Variants in SGCZ observed in about 807,000 individuals in gnomAD.
SGCZ encodes the protein sarcoglycan zeta.
A neutral mutation model predicts 41.3 loss-of-function variants in SGCZ; 40 were observed. That is an observed-to-expected ratio of 0.97 (90% confidence interval 0.75 to 1.26). SGCZ has a LOEUF of 1.26. Among genes scored for constraint, SGCZ ranks in the 50% most tolerant of loss-of-function variants. The probability of loss-of-function intolerance (pLI) is 0.00; values close to 1 mark genes in which losing one functional copy is unlikely to be tolerated. For missense variants in SGCZ, 552 were observed against 369.8 expected, an observed-to-expected ratio of 1.49 and a Z score of -4.04; for synonymous variants, 206 against 137.5, an observed-to-expected ratio of 1.50 and a Z score of -3.49.
chr8:14,784,501 T>G (rs958530752), intron 1 of SGCZ, among the ~76,000 whole-genome samples: 1 of 152,108 alleles, frequency 6.6e-6, no homozygotes, highest in South Asian at 2.1e-4. Context: ...CTATAACTCA[T>G]AATGGTCTCT....
chr8:15,011,012 C>A (rs117107940), intron 1 of SGCZ, among the ~76,000 whole-genome samples: 1 of 152,226 alleles, frequency 6.6e-6, no homozygotes, highest in Admixed American at 6.5e-5. Flanking sequence ...ATTAATGAAG[C>A]TGAAAATAAT....
At chr8:14,953,098 C>T (rs567720749) in intron 1 of SGCZ, among the ~76,000 whole-genome samples, 3 of 152,134 alleles carry the variant, frequency 2.0e-5, no homozygotes, top group South Asian at 2.1e-4. Context: ...CACCTCTATG[C>T]GTCCGTTCTC....
chr8:14,846,893 A>G (rs1371294134), intron 1 of SGCZ, among the ~76,000 whole-genome samples: 1 of 151,794 alleles, frequency 6.6e-6, no homozygotes, highest in Non-Finnish European at 1.5e-5. Context: ...AACTCGGTGA[A>G]ACGACATCTC....
intron 2 of SGCZ, among the ~76,000 whole-genome samples, chr8:14,537,063 C>A (rs545037463): frequency 6.6e-6 from 1 of 151,926 alleles, no homozygotes; most frequent in African/African-American, 2.4e-5. Flanking sequence ...CTGCTGCTGA[C>A]ACAGCCCCAT....
At chr8:14,327,073 G>C (rs1256592058) in intron 2 of SGCZ, among the ~76,000 whole-genome samples, 1 of 152,176 alleles carries the variant, frequency 6.6e-6, no homozygotes, top group Non-Finnish European at 1.5e-5. Flanking sequence ...GTGGGGTTGG[G>C]TTACCAAAAT....
At chr8:14,237,440 C>T in intron 4 of SGCZ, 152 bp downstream of exon 4, 2 of 686,766 alleles carry the variant, frequency 2.9e-6, no homozygotes, top group South Asian at 3.9e-5. Context: ...CCTCAGCCTC[C>T]CAAAGTGCAC....
Position 15,135,225 on chromosome 8 carries a change from C to A in SGCZ, c.39+102360G>T, listed in dbSNP as rs752897834. Among the ~76,000 whole-genome samples, 77 of 152,100 alleles carry A rather than the reference C, an allele frequency of 5.1e-4. 1 individual carries two copies. The Middle Eastern group carries it at 0.027, about 54-fold the overall frequency. Reference sequence around the variant, plus strand: ...GCTATTAAGTAGATCAATGTATTCCCCTAAAGGCAAATACTCTATTTCTAA... The same window carrying A: ...GCTATTAAGTAGATCAATGTATTCCACTAAAGGCAAATACTCTATTTCTAA... On this transcript the variant is annotated intron_variant, in intron 1 of 7. Coordinates refer to ENST00000382080, the MANE Select transcript of SGCZ (RefSeq NM_139167.4).
intron 1 of SGCZ, among the ~76,000 whole-genome samples, chr8:14,897,152 A>T (rs1805231732): frequency 6.6e-6 from 1 of 152,142 alleles, no homozygotes; most frequent in South Asian, 2.1e-4. Context: ...TATTAGCTTG[A>T]TAGTGTTATT....
chr8:14,591,994 C>G (rs1805256607), intron 1 of SGCZ, among the ~76,000 whole-genome samples: 1 of 152,052 alleles, frequency 6.6e-6, no homozygotes, highest in Admixed American at 6.6e-5. Flanking sequence ...GTTATTGGAA[C>G]AATTGTCTAC....
chr8:14,145,089 T>C (rs1219984526), intron 5 of SGCZ, among the ~76,000 whole-genome samples: 4 of 152,186 alleles, frequency 2.6e-5, no homozygotes, highest in African/African-American at 9.7e-5. Context: ...TAGGCCTGGC[T>C]GGCTTTGCCA....
chr8:14,587,097 G>C (rs1333129658), intron 1 of SGCZ, among the ~76,000 whole-genome samples: 1 of 150,952 alleles, frequency 6.6e-6, no homozygotes, highest in Non-Finnish European at 1.5e-5. Flanking sequence ...AATTTCTAAA[G>C]TTAGGCATAA....
At chr8:14,285,098 G>C (rs11774351) in intron 3 of SGCZ, among the ~76,000 whole-genome samples, 32,364 of 151,930 alleles carry the variant, frequency 0.21, 3,635 homozygotes, top group East Asian at 0.3. Flanking sequence ...ATAAGGCTAA[G>C]ACTCAGCCTT....
intron 2 of SGCZ, among the ~76,000 whole-genome samples, chr8:14,422,183 A>T (rs1799654471): frequency 6.6e-6 from 1 of 152,216 alleles, no homozygotes; most frequent in Non-Finnish European, 1.5e-5. Flanking sequence ...AATCCAAAAT[A>T]TGAGAAAAGT....
At position 14,276,961 on chromosome 8, in the gene SGCZ, A is replaced by G. The variant is rs141674664; in HGVS notation, c.337-39282T>C. On this transcript the variant is annotated intron_variant, in intron 3 of 7. Coordinates refer to ENST00000382080, the MANE Select transcript of SGCZ (RefSeq NM_139167.4). Reference sequence around the variant, plus strand: ...TATTTAAACCCCCACAAATTATGTAACGGGGCCTTTTGGCCCCTATGCTCA... The same window carrying G: ...TATTTAAACCCCCACAAATTATGTAGCGGGGCCTTTTGGCCCCTATGCTCA... Among the ~76,000 whole-genome samples the G allele has an allele frequency of 1.3e-5, 2 of 152,322 alleles. 1 individual carries two copies. The highest frequency in any genetic ancestry group is 2.9e-5 in the Non-Finnish European group (2 of 68,032).
At chr8:14,639,038 CT>C (rs148778266) in intron 1 of SGCZ, among the ~76,000 whole-genome samples, 1,468 of 137,632 alleles carry the variant, frequency 0.011, 18 homozygotes, top group African/African-American at 0.031. Context: ...AAACTGGAAT[CT>C]TTTTTTTTTT....
intron 1 of SGCZ, among the ~76,000 whole-genome samples, chr8:15,015,391 A>G (rs1303714127): frequency 1.3e-5 from 2 of 152,018 alleles, no homozygotes; most frequent in African/African-American, 4.8e-5. Context: ...ATTATAATAT[A>G]CTTTTTGTTA....
intron 2 of SGCZ, among the ~76,000 whole-genome samples, chr8:14,451,619 T>C (rs1314717174): frequency 3.3e-5 from 5 of 152,204 alleles, no homozygotes; most frequent in African/African-American, 1.2e-4. Flanking sequence ...ATTCAAAATA[T>C]ACGACAAACT....
intron 4 of SGCZ, among the ~76,000 whole-genome samples, chr8:14,175,725 A>G (rs970184691): frequency 1.3e-5 from 2 of 152,132 alleles, no homozygotes; most frequent in African/African-American, 4.8e-5. Context: ...AAATACTCAA[A>G]TATGTCACTA....
At chr8:14,986,631 A>C (rs1029490642) in intron 1 of SGCZ, among the ~76,000 whole-genome samples, 4 of 152,066 alleles carry the variant, frequency 2.6e-5, no homozygotes, top group Middle Eastern at 3.2e-3. Context: ...ACTAAGTGTT[A>C]CAATATTCAA....
Sources: gnomAD v4.1 joint callset for allele counts (sites outside exome capture counted in the v4.1 genomes callset) on GRCh38, gnomAD v4.1.1 for gene constraint, MANE v1.5 for transcripts, NCBI Gene and HGNC (gene_info 2026-07-23, HGNC 2026-07-21) for gene names.